Variants in SLC15A5 observed in about 807,000 individuals in gnomAD.
SLC15A5 encodes solute carrier family 15 member 5.
In SLC15A5, 58 loss-of-function variants were observed where a neutral mutation model predicts 56.1. The ratio of observed to expected loss-of-function variants is 1.03; its 90% CI spans 0.84 to 1.29. The LOEUF (loss-of-function observed/expected upper bound fraction) is 1.29, where lower values mean the gene tolerates loss of function less well. Ranked by LOEUF, SLC15A5 falls within the 50% of genes most tolerant of loss-of-function variation. The probability of loss-of-function intolerance (pLI) is 0.00; values close to 1 mark genes in which losing one functional copy is unlikely to be tolerated. For synonymous variants in SLC15A5, 264 were observed against 250.5 expected, an observed-to-expected ratio of 1.05 and a Z score of -0.51; for missense variants, 681 against 672.1, an observed-to-expected ratio of 1.01 and a Z score of -0.15.
intron 7 of SLC15A5, among the ~76,000 whole-genome samples, chr12:16,203,644 C>T (rs1863984864): frequency 6.6e-6 from 1 of 152,042 alleles, no homozygotes; most frequent in South Asian, 2.1e-4. Context: ...AATAAGATAT[C>T]CTCATTAAGA....
Position 16,243,353 on chromosome 12 carries a change from G to C in SLC15A5, c.975+1227C>G, listed in dbSNP as rs1328818678. Among the ~76,000 whole-genome samples the C allele has an allele frequency of 6.6e-6, 1 of 151,814 alleles. No homozygotes were observed. The highest frequency in any genetic ancestry group is 1.5e-5 in the Non-Finnish European group (1 of 67,984). On this transcript the variant is annotated intron_variant, in intron 4 of 8. Coordinates refer to ENST00000344941, the MANE Select transcript of SLC15A5 (RefSeq NM_001170798.1). The surrounding 1 kb of genome is among the most constrained non-coding windows in gnomAD (Gnocchi z 4.4). ...AGCCTCCCAAGCAGCTCGGATTACA[G>C]GCATGGCCACCACACCTGACTAATT...
rs186035550 is a variant in SLC15A5, at chr12:16,219,616, C to G, written c.1352-2592G>C. 6.1e-4 allele frequency among the ~76,000 whole-genome samples: 93 copies of G among 152,248 alleles called. 1 individual carries two copies. The highest frequency in any genetic ancestry group is 8.8e-5 in the Non-Finnish European group (6 of 68,016). On this transcript the variant is annotated intron_variant, in intron 6 of 8. Transcript: ENST00000344941. ...CAGCTCTCTGCCTGCTGGTTAATCTCTCTTTGGTGTCATTTTAGTCGTTTT... is the reference window on the plus strand; with the variant it reads ...CAGCTCTCTGCCTGCTGGTTAATCTGTCTTTGGTGTCATTTTAGTCGTTTT...
At chr12:16,201,949 A>G (rs974866349) in intron 7 of SLC15A5, among the ~76,000 whole-genome samples, 5 of 152,166 alleles carry the variant, frequency 3.3e-5, no homozygotes. Flanking sequence ...CCAGATACGA[A>G]CAAATAAACT....
At chr12:16,248,810 C>T (rs1011885865) in intron 3 of SLC15A5, among the ~76,000 whole-genome samples, 1 of 152,002 alleles carries the variant, frequency 6.6e-6, no homozygotes, top group Admixed American at 6.6e-5. Flanking sequence ...GTACCAGGAG[C>T]AGAAATGGGA....
chr12:16,207,634 C>T (rs936822533), intron 7 of SLC15A5, among the ~76,000 whole-genome samples: 1 of 151,988 alleles, frequency 6.6e-6, no homozygotes, highest in Non-Finnish European at 1.5e-5. Flanking sequence ...TTCAACACCA[C>T]CAGCGATATT....
chr12:16,252,315 A>G (rs1430664459), intron 3 of SLC15A5, among the ~76,000 whole-genome samples: 2 of 152,106 alleles, frequency 1.3e-5, no homozygotes, highest in African/African-American at 4.8e-5. Flanking sequence ...AGACAGAGAA[A>G]TAACAAGAGA....
intron 6 of SLC15A5, among the ~76,000 whole-genome samples, chr12:16,218,553 TC>T (rs1490421670): frequency 6.6e-6 from 1 of 152,136 alleles, no homozygotes; most frequent in African/African-American, 2.4e-5. Context: ...AGCCCATCAC[TC>T]CTAGGCAACG....
intron 6 of SLC15A5, among the ~76,000 whole-genome samples, chr12:16,220,408 C>T (rs1171759445): frequency 1.3e-5 from 2 of 152,212 alleles, no homozygotes; most frequent in Non-Finnish European, 2.9e-5. Flanking sequence ...TCCATCCTTT[C>T]AATCTTGGTT....
At chr12:16,201,493 T>C (rs1402374367) in intron 7 of SLC15A5, among the ~76,000 whole-genome samples, 1 of 152,140 alleles carries the variant, frequency 6.6e-6, no homozygotes, top group African/African-American at 2.4e-5. Context: ...TTAGGCTTTG[T>C]GTCCCCACCC....
chr12:16,219,705 G>A (rs546246919), intron 6 of SLC15A5, among the ~76,000 whole-genome samples: 1 of 151,806 alleles, frequency 6.6e-6, no homozygotes, highest in Non-Finnish European at 1.5e-5. Context: ...TCATTTTTAG[G>A]CATCTACTTG....
At chr12:16,240,843 C>T (rs1313404668) in intron 4 of SLC15A5, among the ~76,000 whole-genome samples, 3 of 151,944 alleles carry the variant, frequency 2.0e-5, no homozygotes, top group South Asian at 2.1e-4. Context: ...GACAGAGTCT[C>T]GCTCTGTCAC....
chr12:16,192,466 C>T (rs914399627), intron 8 of SLC15A5, among the ~76,000 whole-genome samples: 14 of 152,050 alleles, frequency 9.2e-5, no homozygotes, highest in Non-Finnish European at 1.5e-4. Flanking sequence ...CCTCTGCACT[C>T]CACGCCACTA....
At chr12:16,212,087 G>A (rs913508067) in intron 7 of SLC15A5, among the ~76,000 whole-genome samples, 4 of 152,118 alleles carry the variant, frequency 2.6e-5, no homozygotes, top group Non-Finnish European at 5.9e-5. Flanking sequence ...AATGCTGAAG[G>A]ATGTAGGGTG....
chr12:16,224,666 C>T (rs1338155823), intron 5 of SLC15A5, 64 bp from the exon 6 acceptor site: 74 of 1,405,836 alleles, frequency 5.3e-5, no homozygotes, highest in Non-Finnish European at 6.5e-5. Context: ...ATGTAATAAG[C>T]CATAACATTT....
intron 6 of SLC15A5, among the ~76,000 whole-genome samples, chr12:16,223,020 T>C (rs1864202285): frequency 6.6e-6 from 1 of 152,062 alleles, no homozygotes; most frequent in East Asian, 1.9e-4. Flanking sequence ...TGAAATGATA[T>C]ACAATTATAA....
At chr12:16,202,399 A>G (rs573036535) in intron 7 of SLC15A5, among the ~76,000 whole-genome samples, 1 of 152,206 alleles carries the variant, frequency 6.6e-6, no homozygotes, top group African/African-American at 2.4e-5. Context: ...CCACAATGAG[A>G]TATCACTTCA....
intron 3 of SLC15A5, among the ~76,000 whole-genome samples, chr12:16,251,543 T>C (rs1417381956): frequency 1.3e-5 from 2 of 151,826 alleles, no homozygotes; most frequent in East Asian, 1.9e-4. Context: ...AGAGGAAGAA[T>C]TGTACGCCAA....
chr12:16,207,148 A>G (rs1348279904), intron 7 of SLC15A5, among the ~76,000 whole-genome samples: 2 of 152,232 alleles, frequency 1.3e-5, no homozygotes, highest in Non-Finnish European at 2.9e-5. Flanking sequence ...TTAATTAAAC[A>G]TCAGACTTGA....
chr12:16,215,986 A>G (rs1419960544), intron 7 of SLC15A5, among the ~76,000 whole-genome samples: 2 of 152,196 alleles, frequency 1.3e-5, no homozygotes, highest in African/African-American at 4.8e-5. Flanking sequence ...GTTTAGTGTT[A>G]AAAGGAGTGT....
Sources: allele counts gnomAD v4.1 joint callset (sites outside exome capture counted in the v4.1 genomes callset), GRCh38; gene constraint gnomAD v4.1.1; non-coding constraint Gnocchi (gnomAD v3.1); transcripts MANE v1.5; gene names NCBI Gene and HGNC (gene_info 2026-07-23, HGNC 2026-07-21).